The following ELMO1 variants were observed in gnomAD, a reference collection of about 807,000 sequenced individuals.
ELMO1 encodes the protein engulfment and cell motility 1, also known as engulfment and cell motility protein 1.
Under a neutral mutation model 98.9 loss-of-function variants are expected in ELMO1, and 26 were observed. The observed-to-expected ratio is 0.26, with a 90% confidence interval of 0.19 to 0.36. ELMO1 has a LOEUF of 0.36. Ranked by LOEUF, ELMO1 falls within the 10% of genes least tolerant of loss-of-function variation. ELMO1 has a pLI of 1.00. For missense variants in ELMO1, 627 were observed against 935.2 expected (o/e 0.67, Z 4.30); for synonymous variants, 346 against 346.0 (o/e 1.00, Z 0.00).
chr7:37,385,407 C>T (rs1802758515), intron 1 of ELMO1, among the ~76,000 whole-genome samples: 1 of 152,192 alleles, frequency 6.6e-6, no homozygotes, highest in Non-Finnish European at 1.5e-5. Context: ...TGTTCAGCTG[C>T]CCACAACATT....
chr7:37,011,332 C>T (rs899010979), intron 16 of ELMO1, among the ~76,000 whole-genome samples: 1 of 152,190 alleles, frequency 6.6e-6, no homozygotes, highest in African/African-American at 2.4e-5. Context: ...GGTCACCTCC[C>T]TCCACCAGCT....
chr7:36,963,421 G>A (rs1447749897), intron 16 of ELMO1, among the ~76,000 whole-genome samples: 2 of 148,720 alleles, frequency 1.3e-5, no homozygotes, highest in Non-Finnish European at 1.5e-5. Flanking sequence ...ATAAATAAAG[G>A]CATCTTTGAA....
chr7:36,964,527 T>C (rs536629847), intron 16 of ELMO1, among the ~76,000 whole-genome samples: 2 of 152,356 alleles, frequency 1.3e-5, no homozygotes, highest in South Asian at 2.1e-4. Flanking sequence ...AGTGGAACCA[T>C]TGTAATTTGG....
chr7:37,061,371 T>C (rs1039305140), intron 15 of ELMO1, among the ~76,000 whole-genome samples: 7 of 152,146 alleles, frequency 4.6e-5, no homozygotes, highest in Non-Finnish European at 8.8e-5. Context: ...AAAGGCACGT[T>C]CTAGAGAGAA....
intron 7 of ELMO1, among the ~76,000 whole-genome samples, chr7:37,237,393 G>A (rs189470179): frequency 2.3e-3 from 344 of 152,188 alleles, no homozygotes; most frequent in African/African-American, 7.9e-3. Context: ...AGGTTGAAGC[G>A]ATTCTCCTGC....
At chr7:37,251,482 G>A (rs186307128) in intron 6 of ELMO1, among the ~76,000 whole-genome samples, 5 of 152,264 alleles carry the variant, frequency 3.3e-5, no homozygotes, top group African/African-American at 9.6e-5. Flanking sequence ...AGTACCAGCT[G>A]GAGAGAGACC....
intron 1 of ELMO1, among the ~76,000 whole-genome samples, chr7:37,388,192 G>A (rs1025497264): frequency 6.6e-6 from 1 of 152,092 alleles, no homozygotes; most frequent in East Asian, 1.9e-4. Context: ...TGTGAAATTA[G>A]CCATTATTAT....
chr7:36,877,875 C>T (rs1804097450), intron 19 of ELMO1, 135 bp downstream of exon 19: 4 of 643,542 alleles, frequency 6.2e-6, no homozygotes, highest in Admixed American at 5.7e-5. Flanking sequence ...TGAGATGGCT[C>T]AGGCGACGAC....
At chr7:37,189,268 C>T (rs1277342180) in intron 13 of ELMO1, among the ~76,000 whole-genome samples, 1 of 152,136 alleles carries the variant, frequency 6.6e-6, no homozygotes, top group African/African-American at 2.4e-5. Context: ...GCAGGCATAA[C>T]ATACATCCTT....
intron 16 of ELMO1, among the ~76,000 whole-genome samples, chr7:36,939,410 T>C (rs1283973354): frequency 6.7e-6 from 1 of 150,364 alleles, no homozygotes; most frequent in Non-Finnish European, 1.5e-5. Flanking sequence ...GGGGTTCATG[T>C]ACTCATAGAA....
At position 37,192,996 on chromosome 7, in the gene ELMO1, TATATATATATATAC is replaced by T. The variant is rs1248296897; in HGVS notation, c.1086+18376_1086+18389del. 2.5e-3 allele frequency among the ~76,000 whole-genome samples: 90 copies of T among 36,356 alleles called. 1 individual carries two copies. Among genetic ancestry groups the T allele is most frequent in the Admixed American group, 5.4e-3 (14 of 2,586 alleles). The allele number at this position is 36,356 out of a possible 152,430, so 23.9% of individuals were successfully genotyped here. A position where few individuals can be genotyped will look rare whatever the true frequency, so the allele number is the denominator to read the frequency against. ...ATATATATATATATATATATATATATATATATATATATACACACACACACATTTAAAGAGTGGAA... is the reference window on the plus strand; with the variant it reads ...ATATATATATATATATATATATATATACACACACACATTTAAAGAGTGGAA... On this transcript the variant is annotated intron_variant, in intron 13 of 21. Transcript: ENST00000310758.
chr7:37,387,442 C>G (rs576692470), intron 1 of ELMO1, among the ~76,000 whole-genome samples: 2 of 152,316 alleles, frequency 1.3e-5, no homozygotes, highest in South Asian at 2.1e-4. Context: ...GCTTCTATCT[C>G]TAAATGTCCC....
Position 36,870,272 on chromosome 7 carries a change from A to C in ELMO1, c.1905+121T>G. On this transcript the variant is annotated intron_variant, in intron 20 of 21. Transcript: ENST00000310758. This position sits in a 1 kb window ranked among gnomAD's most constrained non-coding sequence, Gnocchi z 4.4. ...GGACAGGAAACAGGAGAGCTGAATA[A>C]GAGATGTGTGTCTGAACACACGCAC... 1 of 755,580 alleles carries C rather than the reference A, an allele frequency of 1.3e-6. No individual in the cohort carries two copies. The highest frequency in any genetic ancestry group is 2.2e-6 in the Non-Finnish European group (1 of 452,254). 46.8% of individuals were successfully genotyped at this position (755,580 alleles called of 1,614,324 possible). A position where few individuals can be genotyped will look rare whatever the true frequency, so the allele number is the denominator to read the frequency against.
intron 10 of ELMO1, among the ~76,000 whole-genome samples, chr7:37,217,479 G>T (rs1292467065): frequency 1.3e-5 from 2 of 148,632 alleles, no homozygotes; most frequent in East Asian, 1.9e-4. Context: ...TTTGTGGTAG[G>T]GGGTGTTTTT....
At chr7:37,330,701 T>C (rs1388760916) in intron 2 of ELMO1, among the ~76,000 whole-genome samples, 1 of 152,230 alleles carries the variant, frequency 6.6e-6, no homozygotes, top group Non-Finnish European at 1.5e-5. Flanking sequence ...ATTATTTTTC[T>C]TCCTCACAAT....
chr7:37,420,597 G>A (rs1452941020), intron 1 of ELMO1, among the ~76,000 whole-genome samples: 1 of 152,204 alleles, frequency 6.6e-6, no homozygotes, highest in Non-Finnish European at 1.5e-5. Context: ...GCTGGGATTA[G>A]GTTTTGGCTA....
intron 13 of ELMO1, among the ~76,000 whole-genome samples, chr7:37,160,610 T>C (rs1385319769): frequency 6.6e-6 from 1 of 152,166 alleles, no homozygotes; most frequent in Non-Finnish European, 1.5e-5. Flanking sequence ...TGGCCCTTTA[T>C]GTTGGAGGTT....
intron 15 of ELMO1, among the ~76,000 whole-genome samples, chr7:37,019,822 GTC>G (rs1794164753): frequency 1.3e-5 from 2 of 152,132 alleles, no homozygotes; most frequent in Non-Finnish European, 2.9e-5. Context: ...GGTTTTTTAA[GTC>G]TGGAATATTA....
intron 2 of ELMO1, among the ~76,000 whole-genome samples, chr7:37,323,868 G>A (rs945199617): frequency 6.6e-6 from 1 of 152,128 alleles, no homozygotes; most frequent in African/African-American, 2.4e-5. Context: ...TCACAAGGAT[G>A]CCCTGCCACC....
Sources: allele counts gnomAD v4.1 joint callset (sites outside exome capture counted in the v4.1 genomes callset), GRCh38; gene constraint gnomAD v4.1.1; non-coding constraint Gnocchi (gnomAD v3.1); transcripts MANE v1.5; gene names NCBI Gene and HGNC (gene_info 2026-07-23, HGNC 2026-07-21).